Variants in CRTC1 observed in about 807,000 individuals in gnomAD.
CRTC1 encodes CREB-regulated transcription coactivator 1.
CRTC1 carries 18 observed loss-of-function variants against 66.1 expected under a neutral mutation model. The ratio of observed to expected loss-of-function variants is 0.27; its 90% CI spans 0.19 to 0.40. The LOEUF (loss-of-function observed/expected upper bound fraction) is 0.40. Among genes scored for constraint, CRTC1 ranks in the 10% least tolerant of loss-of-function variants. The pLI is 1.00. For synonymous variants in CRTC1, 416 were observed against 398.8 expected (o/e 1.04, Z -0.51); for missense variants, 669 against 887.9 (o/e 0.75, Z 3.13).
chr19:18,764,715 C>T (rs1490856590), intron 8 of CRTC1, among the ~76,000 whole-genome samples: 1 of 152,200 alleles, frequency 6.6e-6, no homozygotes, highest in African/African-American at 2.4e-5. Flanking sequence ...ATGGGTGGCA[C>T]TGCAGCTTGG....
chr19:18,724,143 C>T (rs1247831117), intron 1 of CRTC1, among the ~76,000 whole-genome samples: 1 of 152,166 alleles, frequency 6.6e-6, no homozygotes, highest in Non-Finnish European at 1.5e-5. Context: ...GGCGGACAGG[C>T]TCCTCGGCAG....
Position 18,709,981 on chromosome 19 carries a change from A to G in CRTC1, c.126+26153A>G, listed in dbSNP as rs531256703. Among the ~76,000 whole-genome samples, 94 of 152,094 alleles carry G rather than the reference A, an allele frequency of 6.2e-4. 1 individual carries two copies. The highest frequency in any genetic ancestry group is 2.0e-3 in the African/African-American group (85 of 41,504). Reference sequence around the variant, plus strand: ...GTCCCACCCAGGATGGGGTCCCACAAAGCTCAGCTCTCTTGAGGCTCTGAG... The same window carrying G: ...GTCCCACCCAGGATGGGGTCCCACAGAGCTCAGCTCTCTTGAGGCTCTGAG... On this transcript the variant is annotated intron_variant, in intron 1 of 13. Coordinates refer to ENST00000321949, the MANE Select transcript of CRTC1 (RefSeq NM_015321.3).
At chr19:18,759,935 C>T (rs983298397) in intron 7 of CRTC1, 73 bp from the exon 8 acceptor site, 88 of 1,252,614 alleles carry the variant, frequency 7.0e-5, no homozygotes, top group Middle Eastern at 5.4e-4. Flanking sequence ...GATTTTCTCC[C>T]GCCAGCCCCC....
intron 9 of CRTC1, among the ~76,000 whole-genome samples, 165 bp downstream of exon 9, chr19:18,765,693 G>A (rs2145829532): frequency 6.6e-6 from 1 of 152,318 alleles, no homozygotes; most frequent in South Asian, 2.1e-4. Flanking sequence ...GGGTGCCGTA[G>A]CTCATGCCTG....
intron 2 of CRTC1, among the ~76,000 whole-genome samples, chr19:18,744,896 G>A (rs1258506265): frequency 6.6e-6 from 1 of 152,220 alleles, no homozygotes; most frequent in African/African-American, 2.4e-5. Flanking sequence ...TCCTAGCCAT[G>A]GACAGGCTTC....
intron 1 of CRTC1, among the ~76,000 whole-genome samples, chr19:18,738,314 C>T (rs982354644): frequency 2.0e-5 from 3 of 151,830 alleles, no homozygotes; most frequent in African/African-American, 7.3e-5. Flanking sequence ...GAGAGCCTGT[C>T]TCAAAATAAA....
intron 4 of CRTC1, among the ~76,000 whole-genome samples, chr19:18,749,199 C>G (rs1295483540): frequency 6.6e-6 from 1 of 152,290 alleles, no homozygotes; most frequent in East Asian, 1.9e-4. Context: ...GACCTCCTGC[C>G]TCAGGTTGGC....
At chr19:18,737,060 C>CT (rs2145703611) in intron 1 of CRTC1, among the ~76,000 whole-genome samples, 1 of 152,244 alleles carries the variant, frequency 6.6e-6, no homozygotes, top group East Asian at 1.9e-4. Flanking sequence ...ATTCCCCTAC[C>CT]TAGGGGCTCC....
chr19:18,749,876 G>A lies in CRTC1; in HGVS notation c.538+1G>A. The A allele has an allele frequency of 6.2e-7, 1 of 1,613,070 alleles. No individual in the cohort carries two copies. The highest frequency in any genetic ancestry group is 8.5e-7 in the Non-Finnish European group (1 of 1,179,154). On this transcript the variant is annotated splice_donor_variant, in intron 5 of 13. Transcript: ENST00000321949. LOFTEE classifies it high-confidence loss of function. ...TCCCAGGACGTGCACCAGAAAAGAG[G>A]TATGGACAGGGGACTCGGGTGTCTC...
rs375037625 is a variant in CRTC1, at chr19:18,748,147, A to G, written c.443+1033A>G. On this transcript the variant is annotated intron_variant, in intron 4 of 13. Transcript: ENST00000321949. Reference sequence around the variant, plus strand: ...TAATATAGATCATGGTTGTACAACAATGTGAATGTACTTAATGTCACAGAA... The same window carrying G: ...TAATATAGATCATGGTTGTACAACAGTGTGAATGTACTTAATGTCACAGAA... Among the ~76,000 whole-genome samples the G allele has an allele frequency of 2.0e-4, 30 of 152,314 alleles. No individual in the cohort carries two copies. The East Asian group carries it at 4.2e-3, about 22-fold the overall frequency.
intron 2 of CRTC1, among the ~76,000 whole-genome samples, chr19:18,743,644 C>T (rs541766890): frequency 3.9e-5 from 6 of 152,274 alleles, no homozygotes; most frequent in African/African-American, 1.4e-4. Context: ...GGGGGTCACA[C>T]CTACTCTGTG....
chr19:18,714,885 C>T (rs754852954), intron 1 of CRTC1, among the ~76,000 whole-genome samples: 2 of 152,386 alleles, frequency 1.3e-5, no homozygotes, highest in South Asian at 4.1e-4. Context: ...TCTCCTGCCC[C>T]CACTGGGCTC....
chr19:18,759,484 C>T lies in CRTC1; in HGVS notation c.625-67C>T, dbSNP rs1241307861. The stretch of plus-strand genomic sequence containing the variant: ...GAAGATCAGCCGTTTCAAGGAGGCC[C>T]AGTGCCCAGGAGGAGGGCCCCACAG... On this transcript the variant is annotated intron_variant, in intron 6 of 13. Transcript: ENST00000321949. 9 of 1,527,372 alleles carry T rather than the reference C, an allele frequency of 5.9e-6. No individual in the cohort carries two copies. The East Asian group carries it at 1.2e-4, about 20-fold the overall frequency. The allele number at this position is 1,527,372 out of a possible 1,614,324, so 94.6% of individuals were successfully genotyped here.
intron 6 of CRTC1, among the ~76,000 whole-genome samples, chr19:18,754,365 G>T (rs1466087772): frequency 6.6e-6 from 1 of 152,120 alleles, no homozygotes. Flanking sequence ...TACAAAAAAT[G>T]AGCCAGGGGT....
At chr19:18,708,167 T>C (rs1217591763) in intron 1 of CRTC1, among the ~76,000 whole-genome samples, 1 of 151,940 alleles carries the variant, frequency 6.6e-6, no homozygotes, top group Non-Finnish European at 1.5e-5. Flanking sequence ...CCCAGAGGCC[T>C]ACAGGAGGCA....
intron 1 of CRTC1, among the ~76,000 whole-genome samples, chr19:18,688,967 C>CA (rs2052756961): frequency 6.6e-6 from 1 of 151,958 alleles, no homozygotes; most frequent in Admixed American, 6.6e-5. Flanking sequence ...TTTTTGGAGA[C>CA]AGAGTCTCAG....
intron 6 of CRTC1, among the ~76,000 whole-genome samples, chr19:18,754,374 G>A (rs956867905): frequency 1.3e-5 from 2 of 152,170 alleles, no homozygotes; most frequent in African/African-American, 2.4e-5. Flanking sequence ...TGAGCCAGGG[G>A]TGGTGATGTG....
intron 5 of CRTC1, among the ~76,000 whole-genome samples, chr19:18,750,404 C>T (rs1368065548): frequency 6.6e-6 from 1 of 152,236 alleles, no homozygotes; most frequent in Non-Finnish European, 1.5e-5. Flanking sequence ...GTGTCGCCTC[C>T]AGCTGAGCCA....
chr19:18,724,132 G>A (rs1392244598), intron 1 of CRTC1, among the ~76,000 whole-genome samples: 1 of 152,176 alleles, frequency 6.6e-6, no homozygotes, highest in Non-Finnish European at 1.5e-5. Context: ...GGAACCGGCG[G>A]GGCGGACAGG....
Sources: gnomAD v4.1 joint callset for allele counts (sites outside exome capture counted in the v4.1 genomes callset) on GRCh38, gnomAD v4.1.1 for gene constraint, MANE v1.5 for transcripts, NCBI Gene and HGNC (gene_info 2026-07-23, HGNC 2026-07-21) for gene names.